Variants in LCOR observed in about 807,000 individuals in gnomAD.
LCOR encodes the protein ligand dependent nuclear receptor corepressor, also known as ligand-dependent corepressor.
Under a neutral mutation model 64.4 loss-of-function variants are expected in LCOR, and 14 were observed. The ratio of observed to expected loss-of-function variants is 0.22; its 90% confidence interval spans 0.14 to 0.34. LCOR has a LOEUF of 0.34. LCOR is among the 10% of genes least tolerant of loss of function. The pLI is 1.00. For missense variants in LCOR, 1,686 were observed against 1,765.3 expected, an observed-to-expected ratio of 0.96 and a Z score of 0.80; for synonymous variants, 643 against 642.5, an observed-to-expected ratio of 1.00 and a Z score of -0.01.
intron 2 of LCOR, among the ~76,000 whole-genome samples, chr10:96,861,066 C>T (rs910248813): frequency 1.3e-5 from 2 of 152,026 alleles, no homozygotes; most frequent in African/African-American, 4.8e-5. Flanking sequence ...TTAAGGTTGG[C>T]TGGACTTTGA....
intron 7 of LCOR, among the ~76,000 whole-genome samples, chr10:96,980,451 A>G (rs1171919013): frequency 1.3e-5 from 2 of 152,242 alleles, no homozygotes; most frequent in East Asian, 1.9e-4. Context: ...ATTTGAGGCT[A>G]TAACAGGCTG....
chr10:96,955,937 G>A (rs1847764733), intron 7 of LCOR: 1 of 1,601,942 alleles, frequency 6.2e-7, no homozygotes, highest in Admixed American at 1.7e-5. Context: ...ACTGTAGAGT[G>A]CCAATTACTG....
At chr10:96,905,509 A>C (rs188562134) in intron 2 of LCOR, among the ~76,000 whole-genome samples, 28 of 152,268 alleles carry the variant, frequency 1.8e-4, no homozygotes, top group African/African-American at 6.7e-4. Context: ...TTTTTAAGTC[A>C]GATCGTTCTG....
intron 6 of LCOR, among the ~76,000 whole-genome samples, 153 bp from the exon 7 acceptor site, chr10:96,951,950 T>G (rs1173299287): frequency 6.6e-6 from 1 of 152,262 alleles, no homozygotes; most frequent in Non-Finnish European, 1.5e-5. Flanking sequence ...TTATGTTGCT[T>G]CAGGATTTAA....
intron 2 of LCOR, among the ~76,000 whole-genome samples, chr10:96,838,583 A>G (rs1845486171): frequency 6.6e-6 from 1 of 152,238 alleles, no homozygotes; most frequent in African/African-American, 2.4e-5. Context: ...CATACAATAT[A>G]TGGCTTTTTG....
At chr10:96,903,049 T>C (rs1846668160) in intron 2 of LCOR, among the ~76,000 whole-genome samples, 1 of 152,146 alleles carries the variant, frequency 6.6e-6, no homozygotes, top group Non-Finnish European at 1.5e-5. Context: ...CACAATATCA[T>C]TGTCACACAG....
intron 4 of LCOR, among the ~76,000 whole-genome samples, chr10:96,935,194 T>C (rs190868861): frequency 8.4e-4 from 112 of 132,980 alleles, no homozygotes; most frequent in African/African-American, 3.0e-3. Context: ...TGTCACCCAG[T>C]CTGGAATGCA....
chr10:96,925,168 C>T (rs1361448575), intron 4 of LCOR, among the ~76,000 whole-genome samples: 8 of 152,040 alleles, frequency 5.3e-5, no homozygotes, highest in African/African-American at 1.4e-4. Flanking sequence ...CTCCGCGTCC[C>T]GGGTTCAAGT....
chr10:96,955,044 G>C lies in LCOR; in HGVS notation c.332+2848G>C, dbSNP rs1847743774. ...AAGCTTACAGGATGGAACCAGGGAA[G>C]GTTTTGGACACTCCACATCACTCAA... On this transcript the variant is annotated intron_variant, in intron 7 of 7. Coordinates refer to ENST00000421806, the MANE Select transcript of LCOR (RefSeq NM_001346516.2). 2.5e-6 allele frequency: 4 copies of C among 1,613,964 alleles called. No individual in the cohort carries two copies. The Admixed American group carries it at 6.7e-5, about 27-fold the overall frequency.
intron 4 of LCOR, among the ~76,000 whole-genome samples, chr10:96,938,361 G>A (rs1847389273): frequency 6.6e-6 from 1 of 151,908 alleles, no homozygotes; most frequent in South Asian, 2.1e-4. Context: ...AATCCAACAC[G>A]TTTTCTTGAT....
At chr10:96,920,565 T>C (rs952461666) in intron 4 of LCOR, among the ~76,000 whole-genome samples, 4 of 147,300 alleles carry the variant, frequency 2.7e-5, no homozygotes, top group Non-Finnish European at 4.5e-5. Flanking sequence ...TGTGTATATA[T>C]GTATGTATAT....
chr10:96,936,123 T>G (rs1847346768), intron 4 of LCOR, among the ~76,000 whole-genome samples: 1 of 152,258 alleles, frequency 6.6e-6, no homozygotes, highest in Admixed American at 6.5e-5. Context: ...CTCCTGGGGT[T>G]GGAGCAAACC....
intron 7 of LCOR, chr10:96,958,424 G>A (rs1041023202): frequency 6.3e-6 from 9 of 1,424,418 alleles, no homozygotes; most frequent in African/African-American, 1.4e-5. Context: ...GATGACAATC[G>A]AGCAGCAGAA....
chr10:96,886,187 GTCATACATCATTCTAGTCC>G (rs1435405761), intron 2 of LCOR, among the ~76,000 whole-genome samples: 1 of 152,066 alleles, frequency 6.6e-6, no homozygotes, highest in African/African-American at 2.4e-5. Flanking sequence ...TAAAGACTTT[GTCATACATCATTCTAGTCC>G]TTTATATTTG....
At chr10:96,955,363 C>T in intron 7 of LCOR, 1 of 1,614,134 alleles carries the variant, frequency 6.2e-7, no homozygotes, top group South Asian at 1.1e-5. Context: ...GTGAGCCATT[C>T]ATCTCCTGTA....
At chr10:96,874,168 G>C (rs1846124734) in intron 2 of LCOR, among the ~76,000 whole-genome samples, 1 of 152,174 alleles carries the variant, frequency 6.6e-6, no homozygotes, top group Non-Finnish European at 1.5e-5. Context: ...TGTAGCTTTA[G>C]TAGAGATCAA....
intron 2 of LCOR, among the ~76,000 whole-genome samples, chr10:96,842,467 GA>G (rs1421045178): frequency 6.6e-6 from 1 of 151,958 alleles, no homozygotes; most frequent in African/African-American, 2.4e-5. Flanking sequence ...CTTGATAAAA[GA>G]AAATTCCACA....
At chr10:96,845,567 A>G (rs1424961789) in intron 2 of LCOR, among the ~76,000 whole-genome samples, 2 of 137,616 alleles carry the variant, frequency 1.5e-5, no homozygotes, top group East Asian at 4.5e-4. Flanking sequence ...CCCGGGGTTC[A>G]TGCCATTCTC....
rs148451657 is a variant in LCOR, at chr10:96,907,658, A to G, written c.-263-10A>G. ...CTTTTATGACTATTAATTTGTTACTATTTTTGCAGACTGTGAACCTGAAAG... is the reference window on the plus strand; with the variant it reads ...CTTTTATGACTATTAATTTGTTACTGTTTTTGCAGACTGTGAACCTGAAAG... On this transcript the variant is annotated splice_polypyrimidine_tract_variant and intron_variant, in intron 3 of 7. Transcript: ENST00000421806. The G allele has an allele frequency of 1.6e-3, 1,500 of 954,266 alleles. 14 individuals carry two copies. In the African/African-American group the frequency reaches 0.025, roughly 16 times the overall value. 59.1% of individuals were successfully genotyped at this position (954,266 alleles called of 1,614,324 possible). A position where few individuals can be genotyped will look rare whatever the true frequency, so the allele number is the denominator to read the frequency against.
Sources: gnomAD v4.1 joint callset for allele counts (sites outside exome capture counted in the v4.1 genomes callset) on GRCh38, gnomAD v4.1.1 for gene constraint, MANE v1.5 for transcripts, NCBI Gene and HGNC (gene_info 2026-07-23, HGNC 2026-07-21) for gene names.